The following USP48 variants were observed in gnomAD, a reference collection of about 807,000 sequenced individuals.
USP48 encodes the protein ubiquitin carboxyl-terminal hydrolase 48.
USP48 carries 43 observed loss-of-function variants against 150.7 expected under a neutral mutation model. The ratio of observed to expected loss-of-function variants is 0.29; its 90% CI spans 0.22 to 0.37. USP48 has a LOEUF of 0.37. USP48 is among the 10% of genes least tolerant of loss of function. The pLI, the probability that USP48 is intolerant of heterozygous loss-of-function variation, is 1.00. For synonymous variants in USP48, 396 were observed against 425.9 expected (o/e 0.93, Z 0.86); for missense variants, 813 against 1,249.6 (o/e 0.65, Z 5.27).
chr1:21,695,244 A>G (rs746805901), intron 22 of USP48, 23 bp from the exon 23 acceptor site: 24 of 1,577,804 alleles, frequency 1.5e-5, no homozygotes. Context: ...TTGGAAATGA[A>G]GAAAGCACTG....
At chr1:21,747,798 C>G (rs574822807) in intron 7 of USP48, among the ~76,000 whole-genome samples, 1 of 152,186 alleles carries the variant, frequency 6.6e-6, no homozygotes, top group Non-Finnish European at 1.5e-5. Context: ...ATCTCGAACT[C>G]CTGACCTCAG....
rs190023719 is a variant in USP48 at position 21,736,549 on chromosome 1, G to A, written c.1068C>T (p.Ala356=). ...GVSAYSGHYI[A]HVKDPQSGEW... ...CACCAGACTGTGGATCTTTCACGTG[G>A]GCGATGTAGTGGCCAGAATAAGCAC... The change falls in exon 9 of 27, where the codon GCC becomes GCT. Residue 356 remains alanine (A), a synonymous_variant. Transcript: ENST00000308271. 6.3e-7 allele frequency: 1 copy of A among 1,596,378 alleles called. No individual in the cohort carries two copies. Among genetic ancestry groups the A allele is most frequent in the East Asian group, 2.3e-5 (1 of 44,144 alleles).
intron 8 of USP48, among the ~76,000 whole-genome samples, chr1:21,738,054 A>G (rs2097772408): frequency 6.6e-6 from 1 of 151,582 alleles, no homozygotes; most frequent in Non-Finnish European, 1.5e-5. Flanking sequence ...GTACATTTTT[A>G]TTTATTTATT....
At chr1:21,767,848 T>C (rs1301471612) in intron 1 of USP48, among the ~76,000 whole-genome samples, 2 of 152,206 alleles carry the variant, frequency 1.3e-5, no homozygotes, top group Non-Finnish European at 2.9e-5. Flanking sequence ...TACAGTGATT[T>C]TCATGTAATG....
At chr1:21,681,806 C>G (rs2097566613) in intron 25 of USP48, among the ~76,000 whole-genome samples, 1 of 152,168 alleles carries the variant, frequency 6.6e-6, no homozygotes, top group South Asian at 2.1e-4. Flanking sequence ...GGCTTGGTAA[C>G]TACTGAATTA....
intron 9 of USP48, among the ~76,000 whole-genome samples, chr1:21,730,127 T>A (rs1225922712): frequency 6.6e-6 from 1 of 152,188 alleles, no homozygotes; most frequent in Non-Finnish European, 1.5e-5. Flanking sequence ...AGCTGATTTT[T>A]ATGTTAGTCT....
At chr1:21,687,260 A>G (rs2152495829) in intron 24 of USP48, 21 bp from the exon 25 acceptor site, 1 of 1,609,756 alleles carries the variant, frequency 6.2e-7, no homozygotes, top group East Asian at 2.2e-5. Context: ...AATGAAGACA[A>G]TTCAAAACCA....
chr1:21,758,392 G>A (rs1015909713), intron 1 of USP48, among the ~76,000 whole-genome samples: 1 of 152,054 alleles, frequency 6.6e-6, no homozygotes, highest in Non-Finnish European at 1.5e-5. Flanking sequence ...TGTACAAAAA[G>A]AAATACAGAA....
intron 8 of USP48, among the ~76,000 whole-genome samples, chr1:21,742,593 G>T (rs1448956783): frequency 1.7e-5 from 2 of 119,006 alleles, no homozygotes; most frequent in East Asian, 3.9e-4. Flanking sequence ...GAAAAGAAAA[G>T]AAAAGAAAAA....
chr1:21,692,356 T>G (rs185876271), intron 23 of USP48, among the ~76,000 whole-genome samples: 3 of 151,998 alleles, frequency 2.0e-5, no homozygotes, highest in Non-Finnish European at 4.4e-5. Flanking sequence ...CACCAGCAAA[T>G]GTTCCGGAAC....
Position 21,782,892 on chromosome 1 carries a change from C to T in USP48, c.66G>A (p.Glu22=), listed in dbSNP as rs1250584714. The part of the protein sequence containing the change: ...WRWAETVRPE[E]VSQEHIETAY... ...CGGTCTCGATGTGCTCCTGCGACAC[C>T]TCCTCGGGCCGCACCGTCTCCGCCC... Residue 22 remains glutamate (E), a synonymous_variant, in exon 1 of 27, where the codon GAG becomes GAA. Transcript: ENST00000308271. The T allele has an allele frequency of 1.3e-6, 2 of 1,554,898 alleles. No individual in the cohort carries two copies. Among genetic ancestry groups the T allele is most frequent in the East Asian group, 2.4e-5 (1 of 41,036 alleles).
At chr1:21,710,401 T>C (rs907923880) in intron 15 of USP48, among the ~76,000 whole-genome samples, 8 of 152,178 alleles carry the variant, frequency 5.3e-5, no homozygotes. Context: ...TCTCAAGAAG[T>C]ACTTTCAAAA....
At position 21,679,463 on chromosome 1, in the gene USP48, G is replaced by A; in HGVS notation, c.3086-24C>T. The stretch of plus-strand genomic sequence containing the variant: ...ACCTGGGAAAAGAAACACACGTGGA[G>A]GGATAGTTGTGAACTACAGATTAAA... On this transcript the variant is annotated intron_variant, in intron 26 of 26. Transcript: ENST00000308271. 4 of 1,613,752 alleles carry A rather than the reference G, an allele frequency of 2.5e-6. No individual in the cohort carries two copies. In the Admixed American group the frequency reaches 6.7e-5, roughly 27 times the overall value.
chr1:21,705,710 G>A lies in USP48; in HGVS notation c.2384+17C>T, dbSNP rs1410125771. 1 of 1,538,818 alleles carries A rather than the reference G, an allele frequency of 6.5e-7. No homozygotes were observed. The highest frequency in any genetic ancestry group is 1.4e-5 in the African/African-American group (1 of 71,344). ...AGAAAAGAAGAAAAAAAAATCACAT[G>A]AAGAGAAGGAACTCACAGTTTAGAA... On this transcript the variant is annotated intron_variant, in intron 19 of 26. Coordinates refer to ENST00000308271, the MANE Select transcript of USP48 (RefSeq NM_032236.8).
intron 9 of USP48, among the ~76,000 whole-genome samples, chr1:21,730,111 G>T (rs2097753092): frequency 6.6e-6 from 1 of 152,074 alleles, no homozygotes; most frequent in African/African-American, 2.4e-5. Context: ...AATCACTATT[G>T]CCATAAGCTG....
At chr1:21,782,749 T>A (rs1411288499) in intron 1 of USP48, 75 bp downstream of exon 1, 29 of 1,448,530 alleles carry the variant, frequency 2.0e-5, no homozygotes, top group Non-Finnish European at 2.6e-5. Context: ...GCTGCCGTCT[T>A]CCTTTCCCCT....
chr1:21,783,018 C>T lies in USP48; in HGVS notation c.-61G>A. ...GCCGCAGCCGCCGCCGCGGTCTGCA[C>T]CGCCGCCCCAATGGGCTTCGCCACC... On this transcript the variant is annotated 5_prime_UTR_variant, in exon 1 of 27. The change creates a new upstream start codon in the 5' untranslated region. Coordinates refer to ENST00000308271, the MANE Select transcript of USP48 (RefSeq NM_032236.8). 6.9e-7 allele frequency: 1 copy of T among 1,445,050 alleles called. No homozygotes were observed. The highest frequency in any genetic ancestry group is 9.0e-7 in the Non-Finnish European group (1 of 1,109,984). The allele number at this position is 1,445,050 out of a possible 1,614,324, so 89.5% of individuals were successfully genotyped here. A position where few individuals can be genotyped will look rare whatever the true frequency, so the allele number is the denominator to read the frequency against.
chr1:21,725,632 A>T (rs1453965114), intron 11 of USP48, among the ~76,000 whole-genome samples: 1 of 149,136 alleles, frequency 6.7e-6, no homozygotes, highest in Non-Finnish European at 1.5e-5. Context: ...ACACGACTGT[A>T]ATACCAGCTA....
intron 12 of USP48, 50 bp from the exon 13 acceptor site, chr1:21,721,814 C>A: frequency 7.5e-7 from 1 of 1,338,650 alleles, no homozygotes; most frequent in Non-Finnish European, 1.0e-6. Flanking sequence ...AAACAGACTT[C>A]CTGTTAGGAA....
Sources: gnomAD v4.1 joint callset for allele counts (sites outside exome capture counted in the v4.1 genomes callset) on GRCh38, gnomAD v4.1.1 for gene constraint, MANE v1.5 for transcripts, NCBI Gene and HGNC (gene_info 2026-07-23, HGNC 2026-07-21) for gene names.